Variants in TEX36 observed in about 807,000 individuals in gnomAD.
TEX36 encodes the protein testis-expressed protein 36.
In TEX36, 12 loss-of-function variants were observed where a neutral mutation model predicts 13.6. That is an observed-to-expected ratio of 0.88 (90% CI 0.56 to 1.43). The LOEUF (loss-of-function observed/expected upper bound fraction) is 1.43. Ranked by LOEUF, TEX36 falls within the 40% of genes most tolerant of loss-of-function variation. The probability of loss-of-function intolerance (pLI) is 0.00; values close to 1 mark genes in which losing one functional copy is unlikely to be tolerated. For missense variants in TEX36, 224 were observed against 228.3 expected (o/e 0.98, Z 0.12); for synonymous variants, 93 against 83.0 (o/e 1.12, Z -0.65).
intron 3 of TEX36, among the ~76,000 whole-genome samples, chr10:125,626,638 T>C (rs1846493799): frequency 6.6e-6 from 1 of 152,018 alleles, no homozygotes; most frequent in African/African-American, 2.4e-5. Flanking sequence ...ATTAAAGCCA[T>C]GATGGAGCAG....
intron 3 of TEX36, among the ~76,000 whole-genome samples, chr10:125,592,775 T>A (rs1366802493): frequency 1.3e-5 from 2 of 152,154 alleles, no homozygotes; most frequent in Middle Eastern, 3.2e-3. Context: ...TCCTCACATT[T>A]GATTACTTTG....
intron 3 of TEX36, among the ~76,000 whole-genome samples, chr10:125,614,131 T>C (rs1589755189): frequency 6.6e-6 from 1 of 152,222 alleles, no homozygotes; most frequent in East Asian, 1.9e-4. Flanking sequence ...TGGGGTTGTT[T>C]GTTTTTTTCT....
Position 125,655,758 on chromosome 10 carries a change from G to T in TEX36, c.*142C>A, listed in dbSNP as rs1846929844. 1.7e-5 allele frequency: 23 copies of T among 1,340,342 alleles called. No homozygotes were observed. In the South Asian group the frequency reaches 5.1e-4, roughly 30 times the overall value. 83.0% of individuals were successfully genotyped at this position (1,340,342 alleles called of 1,614,324 possible). ...TGTCATCACAAATTCATTTCACAAG[G>T]ATTTGAATGTTTTTTGACCTTATAA... On this transcript the variant is annotated 3_prime_UTR_variant, in exon 4 of 4. Coordinates refer to ENST00000368821, the MANE Select transcript of TEX36 (RefSeq NM_001128202.3).
At chr10:125,643,242 C>A (rs1345675182) in intron 3 of TEX36, among the ~76,000 whole-genome samples, 1 of 152,184 alleles carries the variant, frequency 6.6e-6, no homozygotes, top group Non-Finnish European at 1.5e-5. Context: ...AGAAGAGGAG[C>A]TAGTGGACAC....
intron 3 of TEX36, among the ~76,000 whole-genome samples, chr10:125,602,844 T>C (rs902637576): frequency 2.6e-5 from 4 of 152,232 alleles, no homozygotes; most frequent in Non-Finnish European, 4.4e-5. Flanking sequence ...ATCCTTTCCA[T>C]GGAATACTCG....
intron 3 of TEX36, among the ~76,000 whole-genome samples, chr10:125,613,282 T>C (rs1460157341): frequency 2.8e-5 from 4 of 144,210 alleles, no homozygotes; most frequent in Non-Finnish European, 6.0e-5. Flanking sequence ...TATTTATTTA[T>C]TTTTATTATT....
chr10:125,602,776 T>C (rs1846165394), intron 3 of TEX36, among the ~76,000 whole-genome samples: 1 of 152,240 alleles, frequency 6.6e-6, no homozygotes, highest in African/African-American at 2.4e-5. Context: ...AAATTCTATG[T>C]GTTTATATTT....
intron 3 of TEX36, among the ~76,000 whole-genome samples, chr10:125,648,105 A>G (rs1307064394): frequency 6.6e-6 from 1 of 152,232 alleles, no homozygotes; most frequent in Non-Finnish European, 1.5e-5. Flanking sequence ...AAGGCAGCAG[A>G]AACTTCTGCA....
At chr10:125,607,865 T>C (rs530735453) in intron 3 of TEX36, among the ~76,000 whole-genome samples, 4 of 152,274 alleles carry the variant, frequency 2.6e-5, no homozygotes, top group Non-Finnish European at 5.9e-5. Context: ...GTCTCGAGTT[T>C]GGACTGTCTG....
intron 3 of TEX36, among the ~76,000 whole-genome samples, chr10:125,591,736 G>T (rs1005892713): frequency 6.6e-6 from 1 of 152,184 alleles, no homozygotes; most frequent in African/African-American, 2.4e-5. Flanking sequence ...CCACATTAAA[G>T]GAAAATATCC....
chr10:125,674,271 G>T (rs978941320), intron 1 of TEX36, among the ~76,000 whole-genome samples: 1 of 152,196 alleles, frequency 6.6e-6, no homozygotes, highest in African/African-American at 2.4e-5. Flanking sequence ...AGCTCCATCA[G>T]ATCATTTATG....
intron 3 of TEX36, among the ~76,000 whole-genome samples, chr10:125,637,756 C>T (rs555410541): frequency 1.3e-5 from 2 of 152,084 alleles, no homozygotes; most frequent in Admixed American, 6.5e-5. Context: ...TGCCAGGCAG[C>T]GGCCTCAAGA....
chr10:125,630,515 GT>G (rs1846539387), intron 3 of TEX36, among the ~76,000 whole-genome samples: 1 of 152,156 alleles, frequency 6.6e-6, no homozygotes, highest in Non-Finnish European at 1.5e-5. Flanking sequence ...AGCTCTATTC[GT>G]TTTTATGATG....
chr10:125,660,429 G>A (rs1442032225), intron 3 of TEX36, among the ~76,000 whole-genome samples: 1 of 152,174 alleles, frequency 6.6e-6, no homozygotes, highest in African/African-American at 2.4e-5. Flanking sequence ...CCAGCCAATA[G>A]AATATATTAT....
downstream of TEX36, among the ~76,000 whole-genome samples, chr10:125,616,986 G>A (rs567241704): frequency 3.7e-3 from 563 of 152,318 alleles, 3 homozygotes; most frequent in South Asian, 0.011. Context: ...GGGTGCATAT[G>A]TATTTAGGAT....
chr10:125,599,206 C>G (rs1846115934), intron 3 of TEX36, among the ~76,000 whole-genome samples: 1 of 152,164 alleles, frequency 6.6e-6, no homozygotes, highest in Non-Finnish European at 1.5e-5. Context: ...TCCTAGCAAA[C>G]TGCATCCACT....
intron 3 of TEX36, among the ~76,000 whole-genome samples, chr10:125,636,888 T>G (rs1846630154): frequency 6.6e-6 from 1 of 152,196 alleles, no homozygotes; most frequent in African/African-American, 2.4e-5. Flanking sequence ...TTCATTATAC[T>G]TAAATGAACC....
chr10:125,629,229 G>A (rs554097698), intron 3 of TEX36, among the ~76,000 whole-genome samples: 21 of 152,302 alleles, frequency 1.4e-4, no homozygotes, highest in African/African-American at 5.1e-4. Flanking sequence ...TGGTGTGCAA[G>A]GAGCACCCTG....
At chr10:125,600,168 A>G (rs1336870961) in intron 3 of TEX36, among the ~76,000 whole-genome samples, 2 of 152,220 alleles carry the variant, frequency 1.3e-5, no homozygotes, top group Non-Finnish European at 2.9e-5. Context: ...CATCTTCTTA[A>G]TAAGATGAGC....
Sources: allele counts gnomAD v4.1 joint callset (sites outside exome capture counted in the v4.1 genomes callset), GRCh38; gene constraint gnomAD v4.1.1; transcripts MANE v1.5; gene names NCBI Gene and HGNC (gene_info 2026-07-23, HGNC 2026-07-21).